CCDC112: variants seen among roughly 807,000 people sequenced by gnomAD.
The protein encoded by CCDC112 is coiled-coil domain-containing protein 112.
A neutral mutation model predicts 66.3 loss-of-function variants in CCDC112; 40 were observed. The ratio of observed to expected loss-of-function variants is 0.60; its 90% CI spans 0.47 to 0.79. The LOEUF is 0.79. CCDC112 is among the 30% of genes least tolerant of loss of function. The probability of loss-of-function intolerance (pLI) is 0.00; values close to 1 mark genes in which losing one functional copy is unlikely to be tolerated. For missense variants in CCDC112, 659 were observed against 603.8 expected (o/e 1.09, Z -0.96); for synonymous variants, 214 against 197.2 (o/e 1.09, Z -0.71).
intron 1 of CCDC112, among the ~76,000 whole-genome samples, chr5:115,290,478 T>C (rs949556646): frequency 1.3e-5 from 2 of 152,234 alleles, no homozygotes; most frequent in African/African-American, 4.8e-5. Flanking sequence ...ATTTTCCATA[T>C]TAATTTTAAG....
In CCDC112 at chr5:115,267,862, G is replaced by C. The variant is rs1484445834; in HGVS notation, c.*14C>G. The C allele has an allele frequency of 6.2e-7, 1 of 1,602,034 alleles. No individual in the cohort carries two copies. Among genetic ancestry groups the C allele is most frequent in the East Asian group, 2.2e-5 (1 of 44,692 alleles). ...TGTTAACATTCTTATCAACTGAGTA[G>C]CAATTTGATTATCTCATACTCTTCT... On this transcript the variant is annotated 3_prime_UTR_variant, in exon 10 of 10. Coordinates refer to ENST00000379611, the MANE Select transcript of CCDC112 (RefSeq NM_001040440.3).
At chr5:115,285,208 C>T (rs552310538) in intron 1 of CCDC112, among the ~76,000 whole-genome samples, 54 of 152,170 alleles carry the variant, frequency 3.5e-4, no homozygotes, top group East Asian at 1.2e-3. Flanking sequence ...TGAAGTGACA[C>T]GGGCTACATT....
intron 8 of CCDC112, among the ~76,000 whole-genome samples, chr5:115,269,250 C>T (rs889995230): frequency 2.6e-5 from 4 of 151,940 alleles, no homozygotes; most frequent in Non-Finnish European, 5.9e-5. Flanking sequence ...TTTTCTATTT[C>T]TATTATGAGA....
intron 1 of CCDC112, among the ~76,000 whole-genome samples, chr5:115,291,451 TG>T (rs1019045827): frequency 1.9e-4 from 29 of 152,200 alleles, no homozygotes; most frequent in African/African-American, 2.9e-4. Context: ...TTTCTTGTGA[TG>T]TTTTTTGTTT....
intron 1 of CCDC112, among the ~76,000 whole-genome samples, chr5:115,285,881 A>C (rs1396651219): frequency 6.6e-6 from 1 of 152,136 alleles, no homozygotes; most frequent in Non-Finnish European, 1.5e-5. Context: ...CTGACAGAAA[A>C]TAAAAGAAGA....
intron 1 of CCDC112, among the ~76,000 whole-genome samples, chr5:115,294,612 T>C (rs1444612658): frequency 6.6e-6 from 1 of 152,242 alleles, no homozygotes; most frequent in African/African-American, 2.4e-5. Flanking sequence ...GATATTTTGG[T>C]AGACATCTCT....
At chr5:115,287,778 T>C (rs1234202164) in intron 1 of CCDC112, among the ~76,000 whole-genome samples, 1 of 144,388 alleles carries the variant, frequency 6.9e-6, no homozygotes, top group Admixed American at 7.0e-5. Context: ...GCTCAAATGA[T>C]CCTCTCATCT....
At chr5:115,285,022 G>A in intron 1 of CCDC112, 114 bp from the exon 2 acceptor site, 1 of 913,644 alleles carries the variant, frequency 1.1e-6, no homozygotes, top group Non-Finnish European at 1.7e-6. Context: ...ATAATTTTGG[G>A]GCCAATCTCA....
intron 6 of CCDC112, among the ~76,000 whole-genome samples, chr5:115,274,513 T>C (rs1199233985): frequency 1.3e-5 from 2 of 152,200 alleles, no homozygotes; most frequent in African/African-American, 2.4e-5. Flanking sequence ...GCATTTTTTC[T>C]ACTGCCTCTT....
intron 1 of CCDC112, among the ~76,000 whole-genome samples, chr5:115,292,376 G>GATTTCT (rs1554076041): frequency 6.6e-6 from 1 of 151,948 alleles, no homozygotes; most frequent in Non-Finnish European, 1.5e-5. Context: ...TTTCTTTAAA[G>GATTTCT]ATTTCTATTT....
Position 115,269,801 on chromosome 5 carries a change from TA to T in CCDC112, c.1333-4del, listed in dbSNP as rs200426840. ...TTCAGTTCAAGTTTATGTAAATCCTTAAAAAAAAAAACCCATAGCATTAAGA... is the reference window on the plus strand; with the variant it reads ...TTCAGTTCAAGTTTATGTAAATCCTTAAAAAAAAAACCCATAGCATTAAGA... On this transcript the variant is annotated splice_polypyrimidine_tract_variant and splice_region_variant and intron_variant, in intron 7 of 9. Transcript: ENST00000379611. The T allele has an allele frequency of 0.019, 23,762 of 1,230,194 alleles. 31 individuals are homozygous for T. The highest frequency in any genetic ancestry group is 0.045 in the East Asian group (1,498 of 33,088). The allele number at this position is 1,230,194 out of a possible 1,614,324, so 76.2% of individuals were successfully genotyped here.
chr5:115,284,001 A>C (rs1749567441), intron 2 of CCDC112, among the ~76,000 whole-genome samples: 1 of 152,252 alleles, frequency 6.6e-6, no homozygotes, highest in East Asian at 1.9e-4. Flanking sequence ...ATATATTGAA[A>C]ATTTAAAATA....
chr5:115,276,454 C>T (rs1749211095), intron 4 of CCDC112, among the ~76,000 whole-genome samples: 1 of 152,072 alleles, frequency 6.6e-6, no homozygotes, highest in Admixed American at 6.6e-5. Flanking sequence ...TTACAGTAAG[C>T]AAGGAGGTAG....
intron 2 of CCDC112, 109 bp from the exon 3 acceptor site, chr5:115,279,877 A>G: frequency 1.5e-6 from 1 of 645,610 alleles, no homozygotes; most frequent in Non-Finnish European, 2.5e-6. Context: ...TAATTCATCT[A>G]TGGAATAAAA....
At chr5:115,280,956 C>T (rs377663109) in intron 2 of CCDC112, among the ~76,000 whole-genome samples, 3 of 152,052 alleles carry the variant, frequency 2.0e-5, no homozygotes, top group East Asian at 3.9e-4. Flanking sequence ...ACTTAATTCA[C>T]ACAACCTGAG....
At chr5:115,283,851 G>C (rs978896334) in intron 2 of CCDC112, among the ~76,000 whole-genome samples, 3 of 152,020 alleles carry the variant, frequency 2.0e-5, no homozygotes, top group Admixed American at 6.6e-5. Flanking sequence ...GCAACGTTTT[G>C]ATAAAGCTCT....
chr5:115,283,498 G>A (rs1749542942), intron 2 of CCDC112, among the ~76,000 whole-genome samples: 1 of 152,094 alleles, frequency 6.6e-6, no homozygotes, highest in African/African-American at 2.4e-5. Flanking sequence ...AGGTAACTAT[G>A]TGAAGTGATG....
At chr5:115,275,804 T>A (rs532074727) in intron 5 of CCDC112, among the ~76,000 whole-genome samples, 190 bp downstream of exon 5, 1 of 152,124 alleles carries the variant, frequency 6.6e-6, no homozygotes, top group African/African-American at 2.4e-5. Context: ...TTATAGTAAC[T>A]AAATATGAAT....
At chr5:115,290,162 AT>A (rs1333764110) in intron 1 of CCDC112, among the ~76,000 whole-genome samples, 1 of 152,154 alleles carries the variant, frequency 6.6e-6, no homozygotes, top group Non-Finnish European at 1.5e-5. Flanking sequence ...CAGATTAGAT[AT>A]TTTTCAAATA....
Sources: allele counts gnomAD v4.1 joint callset (sites outside exome capture counted in the v4.1 genomes callset), GRCh38; gene constraint gnomAD v4.1.1; transcripts MANE v1.5; gene names NCBI Gene and HGNC (gene_info 2026-07-23, HGNC 2026-07-21).